DCAF8L2: variants seen among roughly 807,000 people sequenced by gnomAD.
The protein encoded by DCAF8L2 is DDB1- and CUL4-associated factor 8-like protein 2.
For missense variants in DCAF8L2, 430 were observed against 490.7 expected, an observed-to-expected ratio of 0.88 and a Z score of 1.17; for synonymous variants, 200 against 190.9, an observed-to-expected ratio of 1.05 and a Z score of -0.39.
intron 1 of DCAF8L2, among the ~76,000 whole-genome samples, chrX:27,602,118 G>A (rs1405398206): frequency 1.8e-5 from 2 of 110,775 alleles, no homozygotes; most frequent in East Asian, 2.8e-4. Flanking sequence ...GTGCAGTAGC[G>A]CAAGTCTCCC....
intron 3 of DCAF8L2, among the ~76,000 whole-genome samples, chrX:27,690,987 A>G (rs745992461): frequency 2.1e-4 from 23 of 111,695 alleles, no homozygotes; most frequent in Non-Finnish European, 2.8e-4. Flanking sequence ...TGAAATAAGC[A>G]TTTTTTAAAA....
At chrX:27,569,601 T>G in the DCAF8L2 span, among the ~76,000 whole-genome samples, 1 of 112,263 alleles carries the variant, frequency 8.9e-6, no homozygotes, top group Non-Finnish European at 1.9e-5. Flanking sequence ...CAAAGACTGT[T>G]TAGAATACAG....
the DCAF8L2 span, among the ~76,000 whole-genome samples, chrX:27,533,204 A>C: frequency 8.0e-4 from 40 of 49,964 alleles, 2 homozygotes; most frequent in Non-Finnish European, 1.5e-3. Context: ...GAAAGAAAGA[A>C]AGAAAGAAAG....
chrX:27,615,815 T>C (rs1927446278), intron 1 of DCAF8L2, among the ~76,000 whole-genome samples: 2 of 111,510 alleles, frequency 1.8e-5, no homozygotes, highest in South Asian at 7.4e-4. Flanking sequence ...ATCTACAATG[T>C]CATTAAAACC....
the DCAF8L2 span, among the ~76,000 whole-genome samples, chrX:27,502,333 AAAATATATATATATATATATATATAT>A: frequency 1.3e-4 from 3 of 23,307 alleles, no homozygotes; most frequent in African/African-American, 1.8e-4. Flanking sequence ...AAAAAAAAAA[AAAATATATATATATATATATATATAT>A]ATATATATAT....
the DCAF8L2 span, among the ~76,000 whole-genome samples, chrX:27,564,250 C>T: frequency 4.5e-5 from 5 of 110,446 alleles, no homozygotes; most frequent in African/African-American, 1.3e-4. Flanking sequence ...CTCGTGAGAA[C>T]GCACTATCAC....
the DCAF8L2 span, among the ~76,000 whole-genome samples, chrX:27,551,494 A>C: frequency 9.0e-6 from 1 of 111,273 alleles, no homozygotes; most frequent in Admixed American, 9.6e-5. Context: ...GCACTGAGAT[A>C]CGAAAAAAAT....
At chrX:27,505,469 T>C in the DCAF8L2 span, among the ~76,000 whole-genome samples, 3 of 112,200 alleles carry the variant, frequency 2.7e-5, no homozygotes, top group African/African-American at 6.5e-5. Context: ...CTGATTTCAG[T>C]TTATGAAAAG....
chrX:27,514,861 A>G, the DCAF8L2 span, among the ~76,000 whole-genome samples: 2 of 110,453 alleles, frequency 1.8e-5, no homozygotes, highest in African/African-American at 6.6e-5. Flanking sequence ...AGAAAGTAGA[A>G]TAGTGGTTAC....
chrX:27,525,950 C>T, the DCAF8L2 span, among the ~76,000 whole-genome samples: 1 of 111,835 alleles, frequency 8.9e-6, no homozygotes, highest in Non-Finnish European at 1.9e-5. Flanking sequence ...TCGCTGACTG[C>T]TCTTAACATT....
intron 4 of DCAF8L2, among the ~76,000 whole-genome samples, chrX:27,730,760 T>C (rs1921147900): frequency 9.0e-6 from 1 of 111,117 alleles, no homozygotes; most frequent in African/African-American, 3.3e-5. Context: ...TTTAGCTGTA[T>C]TTGCAATGCA....
chrX:27,682,980 C>T (rs1270139661), intron 3 of DCAF8L2, among the ~76,000 whole-genome samples: 1 of 110,815 alleles, frequency 9.0e-6, no homozygotes, highest in Non-Finnish European at 1.9e-5. Context: ...TACCCAGCCA[C>T]ACTTCACATA....
At chrX:27,533,448 AG>A in the DCAF8L2 span, among the ~76,000 whole-genome samples, 1 of 111,110 alleles carries the variant, frequency 9.0e-6, no homozygotes, top group African/African-American at 3.3e-5. Context: ...AAATTAGATT[AG>A]TAAAAATGGG....
At chrX:27,681,655 T>C (rs947821239) in intron 3 of DCAF8L2, among the ~76,000 whole-genome samples, 15 of 112,159 alleles carry the variant, frequency 1.3e-4, no homozygotes, top group Admixed American at 1.1e-3. Flanking sequence ...ATTAAAATTA[T>C]ATTGTCGTAG....
chrX:27,732,147 C>G (rs1312687252), intron 4 of DCAF8L2, among the ~76,000 whole-genome samples: 1 of 111,323 alleles, frequency 9.0e-6, no homozygotes, highest in African/African-American at 3.3e-5. Context: ...ATAAGAGCAC[C>G]AGAAATCTGC....
intron 3 of DCAF8L2, among the ~76,000 whole-genome samples, chrX:27,707,204 A>G (rs1402118688): frequency 9.0e-6 from 1 of 111,579 alleles, no homozygotes; most frequent in Non-Finnish European, 1.9e-5. Context: ...GATTGTGGTG[A>G]TGGCTGCACA....
chrX:27,478,921 T>C, the DCAF8L2 span, among the ~76,000 whole-genome samples: 1 of 112,016 alleles, frequency 8.9e-6, no homozygotes, highest in Non-Finnish European at 1.9e-5. Context: ...CCAGTGATCC[T>C]TTCTCCTGGT....
the DCAF8L2 span, among the ~76,000 whole-genome samples, chrX:27,564,348 C>T: frequency 5.4e-5 from 6 of 111,528 alleles, no homozygotes; most frequent in South Asian, 2.3e-3. Flanking sequence ...ATGGGAACTA[C>T]AATTCAAGGT....
At chrX:27,493,795 C>G in the DCAF8L2 span, among the ~76,000 whole-genome samples, 2 of 109,597 alleles carry the variant, frequency 1.8e-5, no homozygotes, top group Admixed American at 2.0e-4. Flanking sequence ...GCTTCCCACT[C>G]TTAGCCCCTG....
Sources: allele counts gnomAD v4.1 joint callset (sites outside exome capture counted in the v4.1 genomes callset), GRCh38; gene constraint gnomAD v4.1.1; transcripts MANE v1.5; gene names NCBI Gene and HGNC (gene_info 2026-07-23, HGNC 2026-07-21).